The following SVIL variants were observed in gnomAD, a reference collection of about 807,000 sequenced individuals.
SVIL encodes supervillin.
SVIL carries 101 observed loss-of-function variants against 240.4 expected under a neutral mutation model. The ratio of observed to expected loss-of-function variants is 0.42; its 90% CI spans 0.36 to 0.50. SVIL has a LOEUF of 0.50. Ranked by LOEUF, SVIL falls within the 20% of genes least tolerant of loss-of-function variation. The probability of loss-of-function intolerance (pLI) is 0.01; values close to 1 mark genes in which losing one functional copy is unlikely to be tolerated. For missense variants in SVIL, 2,512 were observed against 2,818.7 expected, an observed-to-expected ratio of 0.89 and a Z score of 2.46; for synonymous variants, 999 against 1,100.0, an observed-to-expected ratio of 0.91 and a Z score of 1.82.
chr10:29,658,039 A>G (rs1589463608), exon 3 of SVIL: 2 of 152,356 alleles, frequency 1.3e-5, no homozygotes, highest in East Asian at 3.9e-4. Context: ...CAGCTTTTCA[A>G]GTCCTCAAGG....
At chr10:29,621,183 C>A (rs1279928848) in intron 1 of SVIL, among the ~76,000 whole-genome samples, 1 of 152,174 alleles carries the variant, frequency 6.6e-6, no homozygotes, top group Non-Finnish European at 1.5e-5. Context: ...TGAAAAATCA[C>A]TCAAATTGTA....
At chr10:29,599,206 A>C (rs895839933) in intron 1 of SVIL, among the ~76,000 whole-genome samples, 1 of 152,210 alleles carries the variant, frequency 6.6e-6, no homozygotes, top group Non-Finnish European at 1.5e-5. Context: ...GAGTCTGGGC[A>C]AGTAAGAGAT....
chr10:29,628,322 A>C (rs1957953553), intron 1 of SVIL, among the ~76,000 whole-genome samples: 1 of 152,202 alleles, frequency 6.6e-6, no homozygotes, highest in Non-Finnish European at 1.5e-5. Flanking sequence ...CAACATGTAT[A>C]TGTCTTAAAT....
chr10:29,458,659 C>T, intron 36 of SVIL, 70 bp from the exon 37 acceptor site: 2 of 1,547,992 alleles, frequency 1.3e-6, no homozygotes, highest in Non-Finnish European at 1.8e-6. Flanking sequence ...TAAGTGCTTA[C>T]AGACACACAG....
At chr10:29,721,133 C>A (rs913175602) in intron 1 of SVIL, among the ~76,000 whole-genome samples, 7 of 152,118 alleles carry the variant, frequency 4.6e-5, no homozygotes, top group African/African-American at 1.7e-4. Context: ...CAAGTGTGAG[C>A]CCCTATGCCC....
At chr10:29,546,688 G>A (rs946551683) in intron 6 of SVIL, among the ~76,000 whole-genome samples, 6 of 152,156 alleles carry the variant, frequency 3.9e-5, no homozygotes, top group African/African-American at 9.7e-5. Context: ...ATTGGAGATG[G>A]TGCTCACATT....
intron 1 of SVIL, among the ~76,000 whole-genome samples, chr10:29,590,160 C>T (rs1362448289): frequency 4.7e-5 from 5 of 106,796 alleles, no homozygotes; most frequent in African/African-American, 8.4e-5. Context: ...AGCAAGACTC[C>T]GTCTCAAAAA....
intron 2 of SVIL, among the ~76,000 whole-genome samples, chr10:29,681,569 T>C (rs1222441283): frequency 1.3e-5 from 2 of 152,168 alleles, no homozygotes; most frequent in African/African-American, 2.4e-5. Context: ...AAGGAAATTT[T>C]AAGTCCTTGC....
Position 29,656,494 on chromosome 10 carries a change from A to G in SVIL, c.-201+1475T>C, listed in dbSNP as rs151141159. The stretch of plus-strand genomic sequence containing the variant: ...AAAAAAAGAATAAATAAACATAGAA[A>G]TTGAACTTTCTGGTCTTAACATTTG... On this transcript the variant is annotated intron_variant, in intron 3 of 35. Coordinates refer to the SVIL transcript ENST00000375400. 5.7e-3 allele frequency among the ~76,000 whole-genome samples: 864 copies of G among 152,222 alleles called. 14 individuals are homozygous for G. The highest frequency in any genetic ancestry group is 0.028 in the South Asian group (136 of 4,818).
chr10:29,637,835 T>C (rs1756856149), upstream of SVIL, among the ~76,000 whole-genome samples: 1 of 152,208 alleles, frequency 6.6e-6, no homozygotes, highest in African/African-American at 2.4e-5. Flanking sequence ...GGGAATTAAA[T>C]TATGCTGAGT....
Position 29,609,661 on chromosome 10 carries a change from C to T in SVIL, c.-201+24759G>A, listed in dbSNP as rs550102795. Among the ~76,000 whole-genome samples the T allele has an allele frequency of 7.4e-4, 113 of 152,342 alleles. No homozygotes were observed. The South Asian group carries it at 9.1e-3, about 12-fold the overall frequency. ...TCGGGCACCACCACATTCCCCTCATCCAGACGCTGGTGCCCACAGTGGAAG... is the reference window on the plus strand; with the variant it reads ...TCGGGCACCACCACATTCCCCTCATTCAGACGCTGGTGCCCACAGTGGAAG... On this transcript the variant is annotated intron_variant, in intron 1 of 37. Coordinates refer to ENST00000355867, the MANE Select transcript of SVIL (RefSeq NM_021738.3).
intron 29 of SVIL, among the ~76,000 whole-genome samples, chr10:29,474,956 C>A (rs1946030020): frequency 1.3e-5 from 2 of 152,214 alleles, no homozygotes; most frequent in Admixed American, 6.5e-5. Context: ...TGATGGTCCC[C>A]ATGGCTGGAA....
At chr10:29,511,107 G>A (rs1949799573) in intron 17 of SVIL, among the ~76,000 whole-genome samples, 1 of 131,346 alleles carries the variant, frequency 7.6e-6, no homozygotes, top group African/African-American at 3.0e-5. Flanking sequence ...GCCCTAGCCT[G>A]CTTGCAAGTC....
At chr10:29,588,890 T>A (rs1956275139) in intron 1 of SVIL, among the ~76,000 whole-genome samples, 1 of 152,138 alleles carries the variant, frequency 6.6e-6, no homozygotes, top group African/African-American at 2.4e-5. Context: ...ATGTGACCAC[T>A]TGCCTCACTT....
intron 3 of SVIL, among the ~76,000 whole-genome samples, chr10:29,560,389 T>C (rs1381961397): frequency 6.6e-6 from 1 of 152,260 alleles, no homozygotes; most frequent in East Asian, 1.9e-4. Context: ...ATGTGTGTTG[T>C]ATCTTAATAA....
In SVIL at chr10:29,735,114, G is replaced by A. The variant is rs1401900360; in HGVS notation, c.-400+637C>T. On this transcript the variant is annotated intron_variant, in intron 1 of 35. Coordinates refer to the SVIL transcript ENST00000375400. The surrounding 1 kb of genome is among the most constrained non-coding windows in gnomAD (Gnocchi z 4.1). ...CCACTCGGGGTGCCAGGGACTGCTG[G>A]CTGTCACCCGGGGACTAAACCACTC... is the stretch of plus-strand genomic sequence containing the variant. Among the ~76,000 whole-genome samples the A allele has an allele frequency of 1.3e-5, 2 of 151,926 alleles. No homozygotes were observed. The highest frequency in any genetic ancestry group is 6.6e-5 in the Admixed American group (1 of 15,262).
chr10:29,633,540 T>G (rs1317599936), intron 1 of SVIL, among the ~76,000 whole-genome samples: 7 of 152,126 alleles, frequency 4.6e-5, no homozygotes, highest in Non-Finnish European at 8.8e-5. Flanking sequence ...CCACACTATC[T>G]CCGGTGAAGA....
rs34280398 is a variant in SVIL at position 29,498,088 on chromosome 10, CAAAAAA to C, written c.3664+1022_3664+1027del. ...CAGAGCGAGATTCTGTCCCCTCCACCAAAAAAAAAAAAAAAAAAAAAAAAAAAAAGA... is the reference window on the plus strand; with the variant it reads ...CAGAGCGAGATTCTGTCCCCTCCACCAAAAAAAAAAAAAAAAAAAAAAAGA... On this transcript the variant is annotated intron_variant, in intron 18 of 37. Coordinates refer to ENST00000355867, the MANE Select transcript of SVIL (RefSeq NM_021738.3). Among the ~76,000 whole-genome samples, 76 of 37,482 alleles carry C rather than the reference CAAAAAA, an allele frequency of 2.0e-3. 1 individual carries two copies. Among genetic ancestry groups the C allele is most frequent in the Middle Eastern group, 0.021 (1 of 48 alleles). The allele number at this position is 37,482 out of a possible 152,430, so 24.6% of individuals were successfully genotyped here. A position where few individuals can be genotyped will look rare whatever the true frequency, so the allele number is the denominator to read the frequency against.
rs770586568 is a variant in SVIL, at chr10:29,524,661, G to A, written c.2397C>T (p.Gly799=). ...KALAKDQTNE[G]KELAEQGEPD... is the part of the protein sequence containing the mutation. Reference sequence around the variant, plus strand: ...GTTCTCCTTGCTCAGCAAGCTCTTTGCCCTCATTTGTCTGGTCCTTGGCTA... The same window carrying A: ...GTTCTCCTTGCTCAGCAAGCTCTTTACCCTCATTTGTCTGGTCCTTGGCTA... Residue 799 remains glycine, a synonymous_variant, in exon 14 of 38, where the codon GGC becomes GGT. Coordinates refer to ENST00000355867, the MANE Select transcript of SVIL (RefSeq NM_021738.3). The A allele has an allele frequency of 5.6e-6, 9 of 1,614,112 alleles. No individual in the cohort carries two copies. Among genetic ancestry groups the A allele is most frequent in the Non-Finnish European group, 7.6e-6 (9 of 1,180,020 alleles).
Sources: gnomAD v4.1 joint callset for allele counts (sites outside exome capture counted in the v4.1 genomes callset) on GRCh38, gnomAD v4.1.1 for gene constraint, Gnocchi (gnomAD v3.1) non-coding constraint, MANE v1.5 for transcripts, NCBI Gene and HGNC (gene_info 2026-07-23, HGNC 2026-07-21) for gene names.